The following SYT9 variants were observed in gnomAD, a reference collection of about 807,000 sequenced individuals.
SYT9 encodes the protein synaptotagmin-9.
Under a neutral mutation model 48.4 loss-of-function variants are expected in SYT9, and 22 were observed. That is an observed-to-expected ratio of 0.45 (90% confidence interval 0.32 to 0.65). The LOEUF (loss-of-function observed/expected upper bound fraction) is 0.65, where lower values mean the gene tolerates loss of function less well. Ranked by LOEUF, SYT9 falls within the 30% of genes least tolerant of loss-of-function variation. The pLI is 0.03. For synonymous variants in SYT9, 265 were observed against 245.0 expected (o/e 1.08, Z -0.76); for missense variants, 577 against 622.0 (o/e 0.93, Z 0.77).
chr11:7,409,170 T>C (rs1028250824), intron 3 of SYT9, among the ~76,000 whole-genome samples: 4 of 152,230 alleles, frequency 2.6e-5, no homozygotes, highest in African/African-American at 9.6e-5. Flanking sequence ...ATATGATTTT[T>C]GTCCTTGATT....
intron 3 of SYT9, among the ~76,000 whole-genome samples, chr11:7,348,116 C>G (rs1453670930): frequency 6.6e-6 from 1 of 152,110 alleles, no homozygotes; most frequent in Non-Finnish European, 1.5e-5. Flanking sequence ...AGGGAGTCCC[C>G]CATCAGGTCA....
chr11:7,298,384 A>C (rs533732245), intron 1 of SYT9, among the ~76,000 whole-genome samples: 46 of 152,258 alleles, frequency 3.0e-4, no homozygotes, highest in African/African-American at 1.1e-3. Flanking sequence ...TTGCTGTTTT[A>C]TAAATCTCGG....
chr11:7,391,765 A>AAAAAAAAAAC (rs1846620341), intron 3 of SYT9, among the ~76,000 whole-genome samples: 1 of 123,594 alleles, frequency 8.1e-6, no homozygotes, highest in African/African-American at 2.9e-5. Flanking sequence ...AAAAAAAAAA[A>AAAAAAAAAAC]CCTAGCTAGG....
In SYT9 at chr11:7,353,688, A is replaced by G. The variant is rs904450150; in HGVS notation, c.1044+39747A>G. Among the ~76,000 whole-genome samples the G allele has an allele frequency of 3.0e-5, 4 of 131,918 alleles. No individual in the cohort carries two copies. In the Admixed American group the frequency reaches 3.3e-4, roughly 11 times the overall value. The allele number at this position is 131,918 out of a possible 152,430, so 86.5% of individuals were successfully genotyped here. On this transcript the variant is annotated intron_variant, in intron 3 of 6. Coordinates refer to ENST00000318881, the MANE Select transcript of SYT9 (RefSeq NM_175733.4). Reference sequence around the variant, plus strand: ...TGCTAGCCAATCCTTCATTAGTTCGATCCTCTGTTATAGTATTTATTTATA... The same window carrying G: ...TGCTAGCCAATCCTTCATTAGTTCGGTCCTCTGTTATAGTATTTATTTATA...
intron 1 of SYT9, among the ~76,000 whole-genome samples, chr11:7,264,636 A>G (rs1012712465): frequency 6.6e-6 from 1 of 151,964 alleles, no homozygotes; most frequent in Non-Finnish European, 1.5e-5. Context: ...GGGCCAGAGA[A>G]TGAGATGTTT....
intron 3 of SYT9, among the ~76,000 whole-genome samples, chr11:7,406,033 C>T (rs1847001738): frequency 6.6e-6 from 1 of 151,926 alleles, no homozygotes; most frequent in African/African-American, 2.4e-5. Flanking sequence ...GCTTACATTC[C>T]TTTTTTTGAT....
chr11:7,342,139 C>T (rs1211924258), intron 3 of SYT9, among the ~76,000 whole-genome samples: 2 of 152,128 alleles, frequency 1.3e-5, no homozygotes, highest in Non-Finnish European at 2.9e-5. Flanking sequence ...TGAGAGGGGA[C>T]ACAGAGCCAA....
intron 3 of SYT9, among the ~76,000 whole-genome samples, chr11:7,371,420 G>A (rs1850359710): frequency 6.6e-6 from 1 of 151,664 alleles, no homozygotes; most frequent in South Asian, 2.1e-4. Context: ...TAATTTTTAA[G>A]ATTTTTTCTA....
Position 7,333,512 on chromosome 11 carries a change from A to G in SYT9, c.1044+19571A>G, listed in dbSNP as rs149187084. Among the ~76,000 whole-genome samples, 803 of 152,326 alleles carry G rather than the reference A, an allele frequency of 5.3e-3. 6 individuals are homozygous for G. The highest frequency in any genetic ancestry group is 4.6e-3 in the Non-Finnish European group (313 of 68,014). On this transcript the variant is annotated intron_variant, in intron 3 of 6. Coordinates refer to ENST00000318881, the MANE Select transcript of SYT9 (RefSeq NM_175733.4). ...ATGACTGACTTTAAAAACTGAACAGATCTATGAATTTGGCTCTGGTAAACA... is the reference window on the plus strand; with the variant it reads ...ATGACTGACTTTAAAAACTGAACAGGTCTATGAATTTGGCTCTGGTAAACA...
intron 6 of SYT9, among the ~76,000 whole-genome samples, chr11:7,442,455 AG>A (rs1334328734): frequency 5.3e-5 from 8 of 152,212 alleles, no homozygotes; most frequent in Non-Finnish European, 1.2e-4. Context: ...GGAGTCCCAG[AG>A]AGCTCAGCAC....
intron 4 of SYT9, among the ~76,000 whole-genome samples, chr11:7,416,691 C>A (rs985054318): frequency 1.3e-5 from 2 of 152,148 alleles, no homozygotes; most frequent in Non-Finnish European, 2.9e-5. Flanking sequence ...AGGTTATATG[C>A]AAATACGATG....
chr11:7,443,506 A>G (rs1006405819), intron 6 of SYT9, among the ~76,000 whole-genome samples: 1 of 152,206 alleles, frequency 6.6e-6, no homozygotes, highest in Non-Finnish European at 1.5e-5. Context: ...TGCTGAATGC[A>G]TGAAAGAGGC....
chr11:7,263,627 T>G (rs1424318479), intron 1 of SYT9, among the ~76,000 whole-genome samples: 1 of 152,112 alleles, frequency 6.6e-6, no homozygotes, highest in Non-Finnish European at 1.5e-5. Flanking sequence ...GCTTGGAAAT[T>G]AAGAAAGTAT....
At chr11:7,290,395 A>T (rs1220330034) in intron 1 of SYT9, among the ~76,000 whole-genome samples, 2 of 152,208 alleles carry the variant, frequency 1.3e-5, no homozygotes, top group African/African-American at 4.8e-5. Context: ...AGCTCAATAC[A>T]ACATGTTGTG....
chr11:7,445,313 C>T (rs895083542), intron 6 of SYT9, among the ~76,000 whole-genome samples: 3 of 152,166 alleles, frequency 2.0e-5, no homozygotes, highest in Non-Finnish European at 4.4e-5. Flanking sequence ...TGTGCTTCAG[C>T]GGGAACCAGG....
chr11:7,369,823 A>AC, intron 3 of SYT9, among the ~76,000 whole-genome samples: 3 of 150,860 alleles, frequency 2.0e-5, no homozygotes, highest in African/African-American at 7.4e-5. Flanking sequence ...ACACACACAC[A>AC]AAGACATCAC....
At chr11:7,371,361 T>C (rs1057504384) in intron 3 of SYT9, among the ~76,000 whole-genome samples, 28 of 152,108 alleles carry the variant, frequency 1.8e-4, no homozygotes, top group African/African-American at 6.5e-4. Flanking sequence ...TCTATTCTTT[T>C]AAAATAATCA....
At chr11:7,447,220 C>T (rs1282736586) in intron 6 of SYT9, among the ~76,000 whole-genome samples, 1 of 152,192 alleles carries the variant, frequency 6.6e-6, no homozygotes, top group Non-Finnish European at 1.5e-5. Flanking sequence ...TGCCTGCCCC[C>T]TTCATGACTC....
At chr11:7,410,346 A>T (rs536303614) in intron 3 of SYT9, among the ~76,000 whole-genome samples, 2 of 152,346 alleles carry the variant, frequency 1.3e-5, no homozygotes, top group South Asian at 2.1e-4. Context: ...AGTGTGTGTT[A>T]GTTCCACTTG....
Sources: allele counts gnomAD v4.1 joint callset (sites outside exome capture counted in the v4.1 genomes callset), GRCh38; gene constraint gnomAD v4.1.1; transcripts MANE v1.5; gene names NCBI Gene and HGNC (gene_info 2026-07-23, HGNC 2026-07-21).